MTA3: variants seen among roughly 807,000 people sequenced by gnomAD.
MTA3 encodes metastasis-associated protein MTA3.
In MTA3, 34 loss-of-function variants were observed where a neutral mutation model predicts 83.5. The ratio of observed to expected loss-of-function variants is 0.41; its 90% CI spans 0.31 to 0.54. The LOEUF is 0.54. MTA3 is among the 20% of genes least tolerant of loss of function. The pLI is 0.33. For synonymous variants in MTA3, 303 were observed against 252.7 expected, an observed-to-expected ratio of 1.20 and a Z score of -1.89; for missense variants, 761 against 726.4, an observed-to-expected ratio of 1.05 and a Z score of -0.55.
chr2:42,585,467 CTT>C (rs1298325955), intron 3 of MTA3, among the ~76,000 whole-genome samples: 2 of 143,106 alleles, frequency 1.4e-5, no homozygotes, highest in African/African-American at 5.2e-5. Context: ...ATTCTTTTTT[CTT>C]TCTTTTCTTT....
intron 14 of MTA3, among the ~76,000 whole-genome samples, chr2:42,713,200 G>T (rs952892459): frequency 6.6e-6 from 1 of 152,208 alleles, no homozygotes; most frequent in Non-Finnish European, 1.5e-5. Context: ...AGACTTGAAT[G>T]GGCCACAGTA....
rs143112436 is a variant in MTA3 at position 42,498,598 on chromosome 2, C to G, written c.-141+3344C>G. 1.4e-3 allele frequency among the ~76,000 whole-genome samples: 209 copies of G among 152,206 alleles called. 1 individual carries two copies. The highest frequency in any genetic ancestry group is 4.8e-3 in the African/African-American group (200 of 41,526). ...ACATATATGTAACATACATCGTGTT[C>G]ACTTTGTGATGGGGCTTTAGCATTA... On this transcript the variant is annotated intron_variant, in intron 2 of 17. Transcript: ENST00000405592.
chr2:42,711,184 A>G (rs1391130306), intron 14 of MTA3, among the ~76,000 whole-genome samples: 1 of 152,202 alleles, frequency 6.6e-6, no homozygotes, highest in Non-Finnish European at 1.5e-5. Flanking sequence ...TTGTCCTAGG[A>G]CTAGAAGAGA....
intron 16 of MTA3, among the ~76,000 whole-genome samples, chr2:42,750,137 C>T (rs1005732805): frequency 2.0e-5 from 3 of 151,980 alleles, no homozygotes; most frequent in East Asian, 1.9e-4. Context: ...GATACAGGTG[C>T]GCCCCATAAC....
intron 8 of MTA3, among the ~76,000 whole-genome samples, chr2:42,670,261 A>G (rs898275416): frequency 2.0e-5 from 3 of 147,166 alleles, no homozygotes; most frequent in African/African-American, 7.4e-5. Context: ...CTCCGTGTCA[A>G]AAAAAAAAAA....
chr2:42,541,279 C>T (rs1162110062), intron 2 of MTA3, among the ~76,000 whole-genome samples: 1 of 152,202 alleles, frequency 6.6e-6, no homozygotes, highest in Non-Finnish European at 1.5e-5. Flanking sequence ...GATCCACCCG[C>T]CTCGGCCTCC....
At chr2:42,580,288 TC>T (rs1332566672) in intron 3 of MTA3, among the ~76,000 whole-genome samples, 4 of 151,730 alleles carry the variant, frequency 2.6e-5, no homozygotes, top group African/African-American at 9.7e-5. Context: ...GCCACATTTT[TC>T]CCCCCCTTCT....
chr2:42,729,067 T>C (rs113341171), intron 16 of MTA3, among the ~76,000 whole-genome samples: 5,025 of 148,304 alleles, frequency 0.034, 339 homozygotes, highest in African/African-American at 0.12. Flanking sequence ...TGTTTTCTTT[T>C]ATTAGTTTCA....
intron 8 of MTA3, among the ~76,000 whole-genome samples, chr2:42,672,879 C>T (rs1690956764): frequency 7.1e-6 from 1 of 139,916 alleles, no homozygotes; most frequent in Non-Finnish European, 1.5e-5. Flanking sequence ...CGGAGTCTGC[C>T]TCTGTCACCC....
At chr2:42,647,012 C>T (rs955497208) in intron 6 of MTA3, among the ~76,000 whole-genome samples, 17 of 150,942 alleles carry the variant, frequency 1.1e-4, no homozygotes, top group Non-Finnish European at 2.4e-4. Context: ...AAAAATTAGC[C>T]GGGCGTGGTG....
Position 42,708,189 on chromosome 2 carries a change from A to G in MTA3, c.1302+135A>G, listed in dbSNP as rs1323328765. ...TTATAGCTAAACGTAGCACTACAAT[A>G]TTCAGGGTAGGTGTGGAGAGAAGCA... is the stretch of plus-strand genomic sequence containing the variant. On this transcript the variant is annotated intron_variant, in intron 13 of 16. Coordinates refer to ENST00000405094, the MANE Select transcript of MTA3 (RefSeq NM_001330442.2). 6 of 889,354 alleles carry G rather than the reference A, an allele frequency of 6.7e-6. No individual in the cohort carries two copies. The East Asian group carries it at 1.4e-4, about 21-fold the overall frequency. The allele number at this position is 889,354 out of a possible 1,614,324, so 55.1% of individuals were successfully genotyped here.
chr2:42,494,661 C>CT (rs2103625723), exon 1 of MTA3: 1 of 152,418 alleles, frequency 6.6e-6, no homozygotes, highest in South Asian at 2.1e-4. Flanking sequence ...GAGAAGGCGC[C>CT]TAACGTGTAG....
chr2:42,741,086 G>A (rs561615285), intron 16 of MTA3, among the ~76,000 whole-genome samples: 2 of 152,334 alleles, frequency 1.3e-5, no homozygotes, highest in Admixed American at 6.5e-5. Flanking sequence ...CTACATCAGC[G>A]CTTGCTGCTT....
At chr2:42,607,853 A>T (rs573199080) in intron 3 of MTA3, among the ~76,000 whole-genome samples, 1 of 152,308 alleles carries the variant, frequency 6.6e-6, no homozygotes, top group East Asian at 1.9e-4. Context: ...CAGGAGGCTG[A>T]GGCAGGAGAA....
At chr2:42,586,276 A>G (rs1680266668) in intron 3 of MTA3, among the ~76,000 whole-genome samples, 1 of 150,028 alleles carries the variant, frequency 6.7e-6, no homozygotes, top group African/African-American at 2.5e-5. Flanking sequence ...CTCCATCTCA[A>G]AAGAAAAAAA....
At chr2:42,621,596 C>A (rs1049188936) in intron 4 of MTA3, among the ~76,000 whole-genome samples, 1 of 152,212 alleles carries the variant, frequency 6.6e-6, no homozygotes, top group East Asian at 1.9e-4. Context: ...CTTTTCTATT[C>A]GACAAAACCG....
At chr2:42,631,873 A>G (rs1289545465) in intron 4 of MTA3, among the ~76,000 whole-genome samples, 1 of 151,466 alleles carries the variant, frequency 6.6e-6, no homozygotes, top group African/African-American at 2.4e-5. Flanking sequence ...TATTTGTCAT[A>G]GCGATGGGGT....
At chr2:42,724,842 G>T (rs1573768857) in intron 16 of MTA3, among the ~76,000 whole-genome samples, 1 of 152,096 alleles carries the variant, frequency 6.6e-6, no homozygotes, top group Non-Finnish European at 1.5e-5. Flanking sequence ...TCCCTCTCTA[G>T]GGCTGTTTGT....
At chr2:42,646,844 G>A (rs1375148544) in intron 6 of MTA3, among the ~76,000 whole-genome samples, 2 of 152,126 alleles carry the variant, frequency 1.3e-5, no homozygotes, top group East Asian at 1.9e-4. Flanking sequence ...GGGTTTGAGA[G>A]GGTTGTCTCT....
Sources: gnomAD v4.1 joint callset for allele counts (sites outside exome capture counted in the v4.1 genomes callset) on GRCh38, gnomAD v4.1.1 for gene constraint, MANE v1.5 for transcripts, NCBI Gene and HGNC (gene_info 2026-07-23, HGNC 2026-07-21) for gene names.